EDIL3: variants seen among roughly 807,000 people sequenced by gnomAD.
The protein encoded by EDIL3 is EGF like and discoidin domains 3.
EDIL3 carries 37 observed loss-of-function variants against 67.4 expected under a neutral mutation model. The ratio of observed to expected loss-of-function variants is 0.55; its 90% CI spans 0.42 to 0.72. EDIL3 has a LOEUF of 0.72. Ranked by LOEUF, EDIL3 falls within the 30% of genes least tolerant of loss-of-function variation. EDIL3 has a pLI of 0.00. For synonymous variants in EDIL3, 195 were observed against 196.3 expected, an observed-to-expected ratio of 0.99 and a Z score of 0.05; for missense variants, 527 against 586.3, an observed-to-expected ratio of 0.90 and a Z score of 1.04.
At chr5:84,114,505 TC>T (rs2112291580) in intron 5 of EDIL3, among the ~76,000 whole-genome samples, 1 of 152,266 alleles carries the variant, frequency 6.6e-6, no homozygotes, top group South Asian at 2.1e-4. Flanking sequence ...ATAATCACCT[TC>T]AAAGGAATTA....
intron 9 of EDIL3, among the ~76,000 whole-genome samples, chr5:83,972,441 A>G (rs1744810108): frequency 6.6e-6 from 1 of 152,092 alleles, no homozygotes; most frequent in South Asian, 2.1e-4. Context: ...ATCCCAATGC[A>G]CATAAATTTG....
At chr5:84,362,402 A>C (rs1747628200) in intron 1 of EDIL3, among the ~76,000 whole-genome samples, 2 of 152,148 alleles carry the variant, frequency 1.3e-5, no homozygotes, top group South Asian at 4.1e-4. Flanking sequence ...AATCAAATAA[A>C]ATGGCTGATT....
At chr5:84,001,349 A>T (rs1333363492) in intron 9 of EDIL3, among the ~76,000 whole-genome samples, 1 of 152,116 alleles carries the variant, frequency 6.6e-6, no homozygotes, top group Non-Finnish European at 1.5e-5. Context: ...GCTGTGAGCC[A>T]CCGCACCTGG....
At chr5:83,974,487 A>T (rs1744846360) in intron 9 of EDIL3, among the ~76,000 whole-genome samples, 2 of 151,994 alleles carry the variant, frequency 1.3e-5, no homozygotes. Context: ...ATTAAAAAAA[A>T]AATTTTTTTG....
At chr5:84,059,570 A>G (rs1034803999) in intron 9 of EDIL3, among the ~76,000 whole-genome samples, 2 of 152,164 alleles carry the variant, frequency 1.3e-5, no homozygotes, top group African/African-American at 4.8e-5. Flanking sequence ...GAACTACTAT[A>G]GTTTTTAAAC....
rs183161094 is a variant in EDIL3, at chr5:84,304,130, A to C, written c.68-49918T>G. ...TACTTACTATAATGGTAAATATATG[A>C]AGATACAGAAGTAGATGGTATAGTA... On this transcript the variant is annotated intron_variant, in intron 1 of 10. Transcript: ENST00000296591. 5.5e-3 allele frequency among the ~76,000 whole-genome samples: 844 copies of C among 152,320 alleles called. 7 individuals are homozygous for C. Among genetic ancestry groups the C allele is most frequent in the Admixed American group, 9.2e-3 (140 of 15,292 alleles).
intron 1 of EDIL3, among the ~76,000 whole-genome samples, chr5:84,357,646 G>A (rs10050610): frequency 0.26 from 39,961 of 151,938 alleles, 6,475 homozygotes; most frequent in Non-Finnish European, 0.37. Flanking sequence ...CCCAGCACGT[G>A]GGAAGGCTGA....
chr5:84,278,110 GCAAA>G (rs1299364985), intron 1 of EDIL3, among the ~76,000 whole-genome samples: 3 of 152,088 alleles, frequency 2.0e-5, no homozygotes, highest in African/African-American at 7.2e-5. Flanking sequence ...AAAGTTAGAC[GCAAA>G]CAGACAAAAA....
intron 1 of EDIL3, among the ~76,000 whole-genome samples, chr5:84,295,503 A>C (rs1746032108): frequency 6.6e-6 from 1 of 152,084 alleles, no homozygotes; most frequent in African/African-American, 2.4e-5. Context: ...TATTTTTTGA[A>C]TATTCAACAA....
intron 1 of EDIL3, among the ~76,000 whole-genome samples, chr5:84,315,072 A>G (rs74723853): frequency 1.5e-3 from 233 of 152,294 alleles, no homozygotes; most frequent in Non-Finnish European, 2.5e-3. Context: ...GACTACAAAA[A>G]TAAAAGACAA....
At chr5:84,275,442 T>A (rs1489746363) in intron 1 of EDIL3, among the ~76,000 whole-genome samples, 2 of 152,220 alleles carry the variant, frequency 1.3e-5, no homozygotes, top group Non-Finnish European at 2.9e-5. Flanking sequence ...TTTGTTCTTT[T>A]AGCAGCACAA....
chr5:83,974,913 T>C (rs1744854341), intron 9 of EDIL3, among the ~76,000 whole-genome samples: 1 of 152,064 alleles, frequency 6.6e-6, no homozygotes, highest in Admixed American at 6.6e-5. Context: ...CTTTAGGTCC[T>C]AATATCTATT....
chr5:83,998,596 C>G (rs1164924615), intron 9 of EDIL3, among the ~76,000 whole-genome samples: 1 of 152,092 alleles, frequency 6.6e-6, no homozygotes, highest in African/African-American at 2.4e-5. Context: ...AATGTGGATA[C>G]CTGCTCAGGC....
In EDIL3 at chr5:84,064,698, A is replaced by G. The variant is rs1165270784; in HGVS notation, c.952+2T>C. 1 of 1,611,284 alleles carries G rather than the reference A, an allele frequency of 6.2e-7. No homozygotes were observed. Among genetic ancestry groups the G allele is most frequent in the Admixed American group, 1.7e-5 (1 of 59,666 alleles). Reference sequence around the variant, plus strand: ...TACAGAAATAGTTAATTTGAGACTTACCCGACAGTTCACAGCCAAGAAGTT... The same window carrying G: ...TACAGAAATAGTTAATTTGAGACTTGCCCGACAGTTCACAGCCAAGAAGTT... On this transcript the variant is annotated splice_donor_variant, in intron 8 of 10. Transcript: ENST00000296591. LOFTEE classifies it high-confidence loss of function.
At chr5:84,058,139 G>A (rs2112232968) in intron 9 of EDIL3, among the ~76,000 whole-genome samples, 1 of 152,214 alleles carries the variant, frequency 6.6e-6, no homozygotes, top group African/African-American at 2.4e-5. Flanking sequence ...CTTATAGCAA[G>A]AGGACATTTA....
At chr5:84,037,520 A>G (rs779175485) in intron 9 of EDIL3, among the ~76,000 whole-genome samples, 3 of 152,208 alleles carry the variant, frequency 2.0e-5, no homozygotes, top group Non-Finnish European at 4.4e-5. Flanking sequence ...ACCCATTTTT[A>G]AAAACCACCT....
intron 3 of EDIL3, among the ~76,000 whole-genome samples, chr5:84,223,915 C>A (rs951099069): frequency 9.3e-5 from 14 of 150,986 alleles, no homozygotes; most frequent in African/African-American, 3.2e-4. Context: ...ATATTTTTAC[C>A]ATTTACATAT....
chr5:84,285,418 T>G (rs1042599246), intron 1 of EDIL3, among the ~76,000 whole-genome samples: 1 of 152,210 alleles, frequency 6.6e-6, no homozygotes, highest in Non-Finnish European at 1.5e-5. Context: ...CAGTATCTCA[T>G]ATTTAAGAAG....
At chr5:84,151,556 C>G (rs1748391946) in intron 4 of EDIL3, among the ~76,000 whole-genome samples, 1 of 151,970 alleles carries the variant, frequency 6.6e-6, no homozygotes, top group African/African-American at 2.4e-5. Context: ...GTTGTTTCCA[C>G]CACTCAAGAA....
Sources: allele counts gnomAD v4.1 joint callset (sites outside exome capture counted in the v4.1 genomes callset), GRCh38; gene constraint gnomAD v4.1.1; transcripts MANE v1.5; gene names NCBI Gene and HGNC (gene_info 2026-07-23, HGNC 2026-07-21).